The following ACSS3 variants were observed in gnomAD, a reference collection of about 807,000 sequenced individuals.
The protein encoded by ACSS3 is acyl-CoA synthetase short-chain family member 3, mitochondrial.
ACSS3 carries 64 observed loss-of-function variants against 84.2 expected under a neutral mutation model. That is an observed-to-expected ratio of 0.76 (90% CI 0.62 to 0.94). ACSS3 has a LOEUF of 0.94. Ranked by LOEUF, ACSS3 falls within the 40% of genes least tolerant of loss-of-function variation. The pLI is 0.00. For synonymous variants in ACSS3, 317 were observed against 310.1 expected (o/e 1.02, Z -0.23); for missense variants, 815 against 867.6 (o/e 0.94, Z 0.76).
intron 13 of ACSS3, among the ~76,000 whole-genome samples, chr12:81,241,870 G>T (rs963776050): frequency 1.3e-5 from 2 of 152,108 alleles, no homozygotes; most frequent in African/African-American, 4.8e-5. Context: ...TCTGGCTTTT[G>T]TTGCCATTAC....
intron 7 of ACSS3, among the ~76,000 whole-genome samples, chr12:81,160,006 A>G (rs963397850): frequency 6.6e-6 from 1 of 152,240 alleles, no homozygotes; most frequent in South Asian, 2.1e-4. Flanking sequence ...CAATTTCATG[A>G]TACAGTAAGC....
chr12:81,093,222 A>G (rs1382933127), intron 1 of ACSS3, among the ~76,000 whole-genome samples: 1 of 152,038 alleles, frequency 6.6e-6, no homozygotes, highest in Non-Finnish European at 1.5e-5. Context: ...GGCCAAGGTA[A>G]GCGGATCAAT....
chr12:81,090,283 T>C (rs1024577569), intron 1 of ACSS3, among the ~76,000 whole-genome samples: 1 of 152,148 alleles, frequency 6.6e-6, no homozygotes, highest in Admixed American at 6.5e-5. Context: ...TCTTGTTTTC[T>C]TTTAAGCAAA....
In ACSS3 at chr12:81,253,625, C is replaced by A; in HGVS notation, c.1950C>A (p.Ile650=). 6.2e-7 allele frequency: 1 copy of A among 1,613,870 alleles called. No individual in the cohort carries two copies. The highest frequency in any genetic ancestry group is 8.5e-7 in the Non-Finnish European group (1 of 1,179,854). Reference sequence around the variant, plus strand: ...TACCCAAAACCAGATCTGGCAAGATCCCCCGATCAGCTTTATCTGCCATTG... The same window carrying A: ...TACCCAAAACCAGATCTGGCAAGATACCCCGATCAGCTTTATCTGCCATTG... ...KQLPKTRSGK[I]PRSALSAIVN... is the part of the protein sequence containing the mutation. The change falls in exon 15 of 16, where the codon ATC becomes ATA. Residue 650 remains isoleucine (I), a synonymous_variant. Transcript: ENST00000548058.
At chr12:81,131,988 T>A (rs1050290203) in intron 2 of ACSS3, among the ~76,000 whole-genome samples, 1 of 152,198 alleles carries the variant, frequency 6.6e-6, no homozygotes, top group Non-Finnish European at 1.5e-5. Context: ...AACTTGATCA[T>A]GGTGGATTAG....
intron 5 of ACSS3, chr12:81,151,538 G>A (rs969945328): frequency 1.3e-5 from 3 of 234,884 alleles, no homozygotes; most frequent in African/African-American, 4.6e-5. Context: ...TGTTGATAAT[G>A]TGTGGTGCCA....
rs537162622 is a variant in ACSS3, at chr12:81,216,948, A to G, written c.1402A>G (p.Lys468Glu). 6.2e-7 allele frequency: 1 copy of G among 1,611,620 alleles called. No individual in the cohort carries two copies. The highest frequency in any genetic ancestry group is 1.3e-5 in the African/African-American group (1 of 74,940). Residue 468 changes from lysine to glutamate, a missense_variant, in exon 10 of 16, where the codon AAA becomes GAA. Physicochemically the swap from Lys to Glu is moderately conservative, Grantham distance 56. Transcript: ENST00000548058. The stretch of plus-strand genomic sequence containing the variant: ...GTCATGTGTTGGATTAGGCAATTCT[A>G]AAACACCTCCACCAGGGCAAGCAGG... ...TASCVGLGNSKTPPPGQAGKS... is the reference protein window; with the variant it reads ...TASCVGLGNSETPPPGQAGKS...
intron 13 of ACSS3, among the ~76,000 whole-genome samples, chr12:81,237,369 G>A (rs1477172989): frequency 4.6e-5 from 7 of 151,536 alleles, no homozygotes; most frequent in Admixed American, 2.6e-4. Flanking sequence ...AGTCTCAGGA[G>A]GCTAGGGCTT....
chr12:81,169,445 G>T (rs897597523), intron 7 of ACSS3, among the ~76,000 whole-genome samples: 4 of 151,986 alleles, frequency 2.6e-5, no homozygotes, highest in African/African-American at 9.7e-5. Flanking sequence ...GAAAGAAAAG[G>T]CCCATTTTTG....
At chr12:81,173,949 AT>A (rs2030275504) in intron 7 of ACSS3, among the ~76,000 whole-genome samples, 1 of 152,118 alleles carries the variant, frequency 6.6e-6, no homozygotes, top group Non-Finnish European at 1.5e-5. Context: ...TTGGATATAT[AT>A]ATATATATCC....
chr12:81,171,475 A>G (rs1254459122), intron 7 of ACSS3, among the ~76,000 whole-genome samples: 1 of 152,152 alleles, frequency 6.6e-6, no homozygotes, highest in Admixed American at 6.5e-5. Context: ...TATTCATAAC[A>G]TTGAATTATC....
intron 7 of ACSS3, 114 bp downstream of exon 7, chr12:81,152,210 A>T (rs1886646439): frequency 1.5e-6 from 1 of 682,464 alleles, no homozygotes; most frequent in Non-Finnish European, 2.4e-6. Flanking sequence ...GGACATTATT[A>T]TATCTTCTTC....
chr12:81,197,423 ATTTTC>A (rs915389168), intron 8 of ACSS3, among the ~76,000 whole-genome samples: 5 of 151,990 alleles, frequency 3.3e-5, no homozygotes, highest in African/African-American at 1.2e-4. Context: ...GAACTTGAGA[ATTTTC>A]TTTGTTTTGT....
chr12:81,134,918 G>C lies in ACSS3; in HGVS notation c.559G>C (p.Ala187Pro). The change falls in exon 3 of 16, where the codon GCA becomes CCA. Residue 187 changes from alanine to proline, a missense_variant. By Grantham distance (27) the Ala-to-Pro change is conservative. Coordinates refer to ENST00000548058, the MANE Select transcript of ACSS3 (RefSeq NM_024560.4). Reference sequence around the variant, plus strand: ...CCCACAGGCGATGTATACCATGTTGGCATGTGCAAGGATAGGTGCCATCCA... The same window carrying C: ...CCCACAGGCGATGTATACCATGTTGCCATGTGCAAGGATAGGTGCCATCCA... The part of the protein sequence containing the change: ...MIPQAMYTML[A>P]CARIGAIHSL... 6.2e-7 allele frequency: 1 copy of C among 1,607,856 alleles called. No homozygotes were observed.
intron 9 of ACSS3, among the ~76,000 whole-genome samples, chr12:81,202,888 G>A (rs527489634): frequency 2.0e-5 from 3 of 152,254 alleles, no homozygotes; most frequent in Admixed American, 6.5e-5. Context: ...TTTGTTAATC[G>A]GGGTTCTCCA....
In ACSS3 at chr12:81,259,871, A is replaced by T; in HGVS notation, c.*4949A>T. The T allele has an allele frequency of 2.5e-6, 1 of 399,004 alleles. No homozygotes were observed. The highest frequency in any genetic ancestry group is 4.5e-6 in the Non-Finnish European group (1 of 224,098). 24.7% of individuals were successfully genotyped at this position (399,004 alleles called of 1,614,324 possible). On this transcript the variant is annotated 3_prime_UTR_variant, in exon 16 of 16. Transcript: ENST00000548058. Reference sequence around the variant, plus strand: ...TGCAGGGGAGCTTAACAAATAATAGAATTTGCTCAACTTTGTGGAAAGTAT... The same window carrying T: ...TGCAGGGGAGCTTAACAAATAATAGTATTTGCTCAACTTTGTGGAAAGTAT...
chr12:81,182,492 T>C (rs1282132445), intron 8 of ACSS3, among the ~76,000 whole-genome samples: 1 of 152,168 alleles, frequency 6.6e-6, no homozygotes, highest in African/African-American at 2.4e-5. Context: ...GCATAAATCA[T>C]ACCTACACCT....
intron 7 of ACSS3, among the ~76,000 whole-genome samples, chr12:81,155,049 C>T (rs1168642042): frequency 6.6e-6 from 1 of 152,166 alleles, no homozygotes; most frequent in African/African-American, 2.4e-5. Context: ...GCTGGCCACA[C>T]TATACTGAAA....
intron 13 of ACSS3, among the ~76,000 whole-genome samples, chr12:81,251,840 C>T (rs980741352): frequency 6.6e-6 from 1 of 151,940 alleles, no homozygotes; most frequent in African/African-American, 2.4e-5. Context: ...GAGATCTTGT[C>T]TCAAACAAAT....
Sources: gnomAD v4.1 joint callset for allele counts (sites outside exome capture counted in the v4.1 genomes callset) on GRCh38, gnomAD v4.1.1 for gene constraint, MANE v1.5 for transcripts, NCBI Gene and HGNC (gene_info 2026-07-23, HGNC 2026-07-21) for gene names.